TUB: variants seen among roughly 807,000 people sequenced by gnomAD.
TUB encodes the protein TUB bipartite transcription factor.
TUB carries 33 observed loss-of-function variants against 59.7 expected under a neutral mutation model. That is an observed-to-expected ratio of 0.55 (90% confidence interval 0.42 to 0.74). The LOEUF is 0.74. TUB is among the 30% of genes least tolerant of loss of function. The probability of loss-of-function intolerance (pLI) is 0.00; values close to 1 mark genes in which losing one functional copy is unlikely to be tolerated. For synonymous variants in TUB, 293 were observed against 256.4 expected (o/e 1.14, Z -1.36); for missense variants, 659 against 672.0 (o/e 0.98, Z 0.21).
intron 3 of TUB, among the ~76,000 whole-genome samples, chr11:8,092,246 A>G (rs1395421993): frequency 2.0e-5 from 3 of 152,268 alleles, no homozygotes; most frequent in East Asian, 3.9e-4. Flanking sequence ...GTTCAGGACT[A>G]GCCTGGGTAA....
Position 8,081,366 on chromosome 11 carries a change from G to A in TUB, c.-145G>A. On this transcript the variant is annotated 5_prime_UTR_variant, in exon 1 of 12. It adds an upstream start codon to the 5' untranslated region. Transcript: ENST00000299506. ...CAGAGCCAGCAGCCGGGGCCCTGGC[G>A]TGCAGCGCGGGCCTCGGCGGGGCCC... is the stretch of plus-strand genomic sequence containing the variant. 1 of 989,724 alleles carries A rather than the reference G, an allele frequency of 1.0e-6. No individual in the cohort carries two copies. The highest frequency in any genetic ancestry group is 1.2e-6 in the Non-Finnish European group (1 of 833,496). The allele number at this position is 989,724 out of a possible 1,614,324, so 61.3% of individuals were successfully genotyped here.
At position 8,104,296 on chromosome 11, in the gene TUB, G is replaced by T. The variant is rs1944432698; in HGVS notation, c.*2677G>T. ...CAGCTTCTCTGTAACCGCTTCTGGGGCCACACCCCAAAACTCTACACCCTC... is the reference window on the plus strand; with the variant it reads ...CAGCTTCTCTGTAACCGCTTCTGGGTCCACACCCCAAAACTCTACACCCTC... On this transcript the variant is annotated 3_prime_UTR_variant, in exon 12 of 12. Coordinates refer to ENST00000299506, the MANE Select transcript of TUB (RefSeq NM_177972.3). 6.6e-6 allele frequency: 1 copy of T among 152,174 alleles called. No individual in the cohort carries two copies. Among genetic ancestry groups the T allele is most frequent in the African/African-American group, 2.4e-5 (1 of 41,428 alleles). 9.4% of individuals were successfully genotyped at this position (152,174 alleles called of 1,614,324 possible).
Position 8,087,802 on chromosome 11 carries a change from A to C in TUB, c.39-1808A>C, listed in dbSNP as rs901345283. On this transcript the variant is annotated intron_variant, in intron 1 of 11. Coordinates refer to ENST00000299506, the MANE Select transcript of TUB (RefSeq NM_177972.3). ...AGGGTTGTAGCCTCTCAGGCCTGGC[A>C]GGGCCCTCAGGCATTTTGCGCTCTG... is the stretch of plus-strand genomic sequence containing the variant. 2.0e-5 allele frequency among the ~76,000 whole-genome samples: 3 copies of C among 152,344 alleles called. No individual in the cohort carries two copies. In the East Asian group the frequency reaches 5.8e-4, roughly 29 times the overall value.
At chr11:8,029,855 G>T (rs551351355) in intron 1 of TUB, among the ~76,000 whole-genome samples, 1 of 152,144 alleles carries the variant, frequency 6.6e-6, no homozygotes, top group Admixed American at 6.5e-5. Context: ...CAGAGGAGTC[G>T]GGTGGCTACC....
chr11:8,080,877 C>G (rs1943540968), upstream of TUB, among the ~76,000 whole-genome samples: 1 of 152,212 alleles, frequency 6.6e-6, no homozygotes, highest in South Asian at 2.1e-4. Context: ...TCCGCGCCTC[C>G]GGCCCGGTCC....
chr11:8,028,708 G>C (rs1235931989), intron 1 of TUB, among the ~76,000 whole-genome samples: 1 of 152,186 alleles, frequency 6.6e-6, no homozygotes, highest in Non-Finnish European at 1.5e-5. Context: ...TTGGCACCCT[G>C]GTCAAAAATC....
At chr11:8,059,906 G>C (rs950899946) in intron 2 of TUB, 3 of 152,664 alleles carry the variant, frequency 2.0e-5, no homozygotes, top group Non-Finnish European at 4.4e-5. Context: ...GCCTCGATCC[G>C]GGCAGAGGCA....
chr11:8,073,834 T>C (rs1943399485), intron 2 of TUB, among the ~76,000 whole-genome samples: 1 of 152,226 alleles, frequency 6.6e-6, no homozygotes. Flanking sequence ...AGAGACCCTG[T>C]ACTCCAGCCC....
intron 2 of TUB, among the ~76,000 whole-genome samples, chr11:8,051,145 CT>C (rs1942928986): frequency 6.6e-6 from 1 of 151,962 alleles, no homozygotes; most frequent in South Asian, 2.1e-4. Flanking sequence ...AAAAAATGGG[CT>C]TAAATTCTTA....
At chr11:8,079,088 T>C (rs1168782196), upstream of TUB, among the ~76,000 whole-genome samples, 1 of 152,150 alleles carries the variant, frequency 6.6e-6, no homozygotes, top group Non-Finnish European at 1.5e-5. Flanking sequence ...AAACTGTCTA[T>C]TTAATAGATT....
intron 1 of TUB, among the ~76,000 whole-genome samples, chr11:8,024,879 C>T (rs182613882): frequency 2.0e-4 from 30 of 152,332 alleles, no homozygotes; most frequent in African/African-American, 6.0e-4. Flanking sequence ...AGCATCACTG[C>T]GCAGAACTTG....
intron 1 of TUB, among the ~76,000 whole-genome samples, chr11:8,086,079 G>C (rs1393392003): frequency 6.6e-6 from 1 of 152,194 alleles, no homozygotes; most frequent in Non-Finnish European, 1.5e-5. Context: ...CAGGCCCCCA[G>C]CAGGAGGTGC....
intron 9 of TUB, among the ~76,000 whole-genome samples, chr11:8,100,104 C>T (rs1379941094): frequency 6.6e-6 from 1 of 152,036 alleles, no homozygotes; most frequent in Non-Finnish European, 1.5e-5. Flanking sequence ...ACCAGGAGTC[C>T]AGGCAAAGGC....
intron 1 of TUB, among the ~76,000 whole-genome samples, chr11:8,021,495 T>C (rs1360227478): frequency 4.0e-5 from 6 of 151,690 alleles, no homozygotes; most frequent in African/African-American, 1.5e-4. Flanking sequence ...ATAAATGAGG[T>C]AATAAATATA....
At chr11:8,088,810 T>C (rs1303661420) in intron 1 of TUB, among the ~76,000 whole-genome samples, 1 of 152,168 alleles carries the variant, frequency 6.6e-6, no homozygotes, top group Admixed American at 6.5e-5. Flanking sequence ...GCATGGCCAG[T>C]GCGGGTGAGA....
intron 2 of TUB, among the ~76,000 whole-genome samples, chr11:8,052,534 A>G (rs1235343111): frequency 1.5e-5 from 2 of 136,104 alleles, no homozygotes; most frequent in Admixed American, 1.7e-4. Flanking sequence ...CAGTGGTGCA[A>G]TCTCGGCTCA....
chr11:8,023,833 C>G (rs1942464986), intron 1 of TUB, among the ~76,000 whole-genome samples: 1 of 152,160 alleles, frequency 6.6e-6, no homozygotes, highest in African/African-American at 2.4e-5. Context: ...TTTTCCACAG[C>G]TTGGCACCCC....
rs1943836514 is a variant in TUB, at chr11:8,093,164, A to T, written c.254-882A>T. 2.0e-5 allele frequency among the ~76,000 whole-genome samples: 3 copies of T among 151,886 alleles called. No homozygotes were observed. The South Asian group carries it at 6.3e-4, about 32-fold the overall frequency. On this transcript the variant is annotated intron_variant, in intron 3 of 11. Coordinates refer to ENST00000299506, the MANE Select transcript of TUB (RefSeq NM_177972.3). ...TGAGTAGATGACAACACCTGCTCTGACGAGGGAGGCAGGCACAGCGTCCCT... is the reference window on the plus strand; with the variant it reads ...TGAGTAGATGACAACACCTGCTCTGTCGAGGGAGGCAGGCACAGCGTCCCT...
chr11:8,101,260 T>C (rs1186413347), intron 11 of TUB, among the ~76,000 whole-genome samples: 1 of 152,228 alleles, frequency 6.6e-6, no homozygotes, highest in African/African-American at 2.4e-5. Flanking sequence ...TCCTCTTTTC[T>C]GTCCCCTGGT....
Sources: gnomAD v4.1 joint callset for allele counts (sites outside exome capture counted in the v4.1 genomes callset) on GRCh38, gnomAD v4.1.1 for gene constraint, MANE v1.5 for transcripts, NCBI Gene and HGNC (gene_info 2026-07-23, HGNC 2026-07-21) for gene names.